Variants in IMMP2L observed in about 807,000 individuals in gnomAD.
The protein encoded by IMMP2L is inner mitochondrial membrane peptidase subunit 2, also known as mitochondrial inner membrane protease subunit 2.
In IMMP2L, 18 loss-of-function variants were observed where a neutral mutation model predicts 19.3. That is an observed-to-expected ratio of 0.93 (90% CI 0.64 to 1.38). The LOEUF is 1.38. IMMP2L is among the 40% of genes most tolerant of loss of function. The pLI is 0.00. For synonymous variants in IMMP2L, 76 were observed against 73.0 expected (o/e 1.04, Z -0.21); for missense variants, 233 against 218.2 (o/e 1.07, Z -0.43).
At chr7:111,383,149 G>C (rs1305545466) in intron 3 of IMMP2L, among the ~76,000 whole-genome samples, 1 of 152,098 alleles carries the variant, frequency 6.6e-6, no homozygotes, top group East Asian at 1.9e-4. Context: ...TATGCACATG[G>C]AAGTAGAGAG....
At chr7:111,047,730 A>G (rs1364269925) in intron 3 of IMMP2L, among the ~76,000 whole-genome samples, 2 of 152,122 alleles carry the variant, frequency 1.3e-5, no homozygotes. Flanking sequence ...GCTGCAAAAT[A>G]CCAGAGATTA....
intron 4 of IMMP2L, among the ~76,000 whole-genome samples, chr7:110,897,227 CA>C (rs1441713935): frequency 6.6e-6 from 1 of 152,030 alleles, no homozygotes; most frequent in African/African-American, 2.4e-5. Context: ...GCCACAAATA[CA>C]GAAGTCAACA....
chr7:111,132,796 A>G (rs1471996839), intron 3 of IMMP2L, among the ~76,000 whole-genome samples: 1 of 152,066 alleles, frequency 6.6e-6, no homozygotes, highest in Non-Finnish European at 1.5e-5. Context: ...ATAGCTACCC[A>G]TAGAGGAAGG....
intron 1 of IMMP2L, among the ~76,000 whole-genome samples, chr7:111,561,263 C>G (rs561422871): frequency 2.0e-4 from 30 of 152,230 alleles, no homozygotes; most frequent in African/African-American, 6.5e-4. Flanking sequence ...CAGGAGGTAC[C>G]AAGAGTGAAA....
At chr7:111,394,394 TAAC>T (rs1449788040) in intron 3 of IMMP2L, among the ~76,000 whole-genome samples, 3 of 152,174 alleles carry the variant, frequency 2.0e-5, no homozygotes, top group Non-Finnish European at 2.9e-5. Flanking sequence ...TCTAAACAAA[TAAC>T]AAAAGTCTCA....
At chr7:111,189,386 A>T (rs1268618174) in intron 3 of IMMP2L, among the ~76,000 whole-genome samples, 1 of 151,568 alleles carries the variant, frequency 6.6e-6, no homozygotes, top group Non-Finnish European at 1.5e-5. Context: ...AAAAAAAAAA[A>T]AATACTACAA....
At chr7:111,469,449 T>C (rs1054478964) in intron 3 of IMMP2L, among the ~76,000 whole-genome samples, 3 of 152,076 alleles carry the variant, frequency 2.0e-5, no homozygotes, top group South Asian at 2.1e-4. Flanking sequence ...GGTTTGTAGT[T>C]CTCCTTGAAC....
chr7:110,973,967 G>T (rs1428282239), intron 3 of IMMP2L, among the ~76,000 whole-genome samples: 1 of 152,096 alleles, frequency 6.6e-6, no homozygotes, highest in Non-Finnish European at 1.5e-5. Context: ...ATGTGTGGAC[G>T]AAATTTGCAT....
intron 5 of IMMP2L, among the ~76,000 whole-genome samples, chr7:110,818,639 T>C (rs1265996502): frequency 6.6e-6 from 1 of 152,136 alleles, no homozygotes; most frequent in Admixed American, 6.6e-5. Flanking sequence ...GTTATAATCA[T>C]GCTGCTATAA....
chr7:111,071,236 G>A (rs2129575370), intron 3 of IMMP2L, among the ~76,000 whole-genome samples: 1 of 152,088 alleles, frequency 6.6e-6, no homozygotes, highest in African/African-American at 2.4e-5. Flanking sequence ...AAAAAATAAA[G>A]ACTACTGGTA....
intron 4 of IMMP2L, among the ~76,000 whole-genome samples, chr7:110,912,422 G>T (rs1220774094): frequency 6.6e-6 from 1 of 151,956 alleles, no homozygotes; most frequent in East Asian, 1.9e-4. Flanking sequence ...TAAATAATTA[G>T]TTAAATTGTG....
chr7:111,088,085 C>T (rs559027158), intron 3 of IMMP2L, among the ~76,000 whole-genome samples: 7 of 152,260 alleles, frequency 4.6e-5, no homozygotes, highest in East Asian at 3.9e-4. Flanking sequence ...GGCTCTAAAA[C>T]CCACATTCTA....
At chr7:111,280,910 A>G (rs1475701733) in intron 3 of IMMP2L, among the ~76,000 whole-genome samples, 2 of 151,838 alleles carry the variant, frequency 1.3e-5, no homozygotes, top group Non-Finnish European at 2.9e-5. Context: ...TCTACTAAAA[A>G]TACAAAAAAA....
intron 5 of IMMP2L, among the ~76,000 whole-genome samples, chr7:110,812,917 T>C (rs1802147604): frequency 6.6e-6 from 1 of 152,074 alleles, no homozygotes; most frequent in South Asian, 2.1e-4. Context: ...AGTCTGTTTT[T>C]ATTAAAATAT....
chr7:111,106,467 C>T (rs1217137985), intron 3 of IMMP2L, among the ~76,000 whole-genome samples: 1 of 151,694 alleles, frequency 6.6e-6, no homozygotes, highest in African/African-American at 2.4e-5. Context: ...CAATTAAAAA[C>T]AAACAAATAA....
intron 3 of IMMP2L, among the ~76,000 whole-genome samples, chr7:111,170,824 C>T (rs1806355125): frequency 6.6e-6 from 1 of 151,584 alleles, no homozygotes; most frequent in Admixed American, 6.6e-5. Flanking sequence ...AGTAGTAAAG[C>T]CTAGGCTTTT....
chr7:111,469,911 A>C (rs1841062726), intron 3 of IMMP2L, among the ~76,000 whole-genome samples: 2 of 152,180 alleles, frequency 1.3e-5, no homozygotes, highest in Admixed American at 1.3e-4. Flanking sequence ...GCACAGCAAA[A>C]GAAACTACCA....
intron 5 of IMMP2L, among the ~76,000 whole-genome samples, chr7:110,859,767 C>T (rs934313729): frequency 3.3e-5 from 5 of 150,508 alleles, no homozygotes; most frequent in Admixed American, 1.3e-4. Flanking sequence ...AAAAAAAATA[C>T]GTTGTTTAGG....
chr7:110,725,585 GA>G (rs1322085626), intron 5 of IMMP2L: 1 of 152,108 alleles, frequency 6.6e-6, no homozygotes, highest in Non-Finnish European at 1.5e-5. Flanking sequence ...AATAAGAGGG[GA>G]AAGAACTAAC....
Sources: gnomAD v4.1 joint callset for allele counts (sites outside exome capture counted in the v4.1 genomes callset) on GRCh38, gnomAD v4.1.1 for gene constraint, MANE v1.5 for transcripts, NCBI Gene and HGNC (gene_info 2026-07-23, HGNC 2026-07-21) for gene names.